Variants in WWTR1 observed in about 807,000 individuals in gnomAD.
The protein encoded by WWTR1 is WW domain containing transcription regulator 1.
A neutral mutation model predicts 40.1 loss-of-function variants in WWTR1; 13 were observed. The observed-to-expected ratio is 0.32, with a 90% CI of 0.21 to 0.52. The LOEUF (loss-of-function observed/expected upper bound fraction) is 0.52. Ranked by LOEUF, WWTR1 falls within the 20% of genes least tolerant of loss-of-function variation. The probability of loss-of-function intolerance (pLI) is 0.97; values close to 1 mark genes in which losing one functional copy is unlikely to be tolerated. For missense variants in WWTR1, 436 were observed against 523.1 expected (o/e 0.83, Z 1.63); for synonymous variants, 230 against 210.1 (o/e 1.09, Z -0.82).
intron 2 of WWTR1, among the ~76,000 whole-genome samples, chr3:149,625,397 C>T (rs1184966448): frequency 6.6e-6 from 1 of 151,426 alleles, no homozygotes; most frequent in Admixed American, 6.6e-5. Flanking sequence ...GGATTACAGG[C>T]TTGAGCCACT....
intron 2 of WWTR1, among the ~76,000 whole-genome samples, chr3:149,585,813 G>A (rs1245403367): frequency 6.6e-6 from 1 of 152,204 alleles, no homozygotes; most frequent in East Asian, 1.9e-4. Flanking sequence ...AAATGCTCAA[G>A]AAGTTTTAAT....
Position 149,664,081 on chromosome 3 carries a change from T to C in WWTR1, c.-4+5707A>G, listed in dbSNP as rs117172182. ...CTACCTCCGGGTTGCTGACTTGGTC[T>C]GAATGACTGATTTCAGCAAAGGTGT... On this transcript the variant is annotated intron_variant, in intron 2 of 7. Coordinates refer to the WWTR1 transcript ENST00000465804. 2.2e-4 allele frequency among the ~76,000 whole-genome samples: 34 copies of C among 152,368 alleles called. No homozygotes were observed. The East Asian group carries it at 6.0e-3, about 27-fold the overall frequency.
rs1202423861 is a variant in WWTR1, at chr3:149,520,668, G to A, written c.*137C>T. On this transcript the variant is annotated 3_prime_UTR_variant, in exon 7 of 7. Coordinates refer to ENST00000360632, the MANE Select transcript of WWTR1 (RefSeq NM_015472.6). ...ATCAAAACCAGGCAATGATTAAACT[G>A]GCAACATAAAAAGGAGGGAGCACGA... is the stretch of plus-strand genomic sequence containing the variant. 8.6e-6 allele frequency: 6 copies of A among 699,846 alleles called. No individual in the cohort carries two copies. Among genetic ancestry groups the A allele is most frequent in the Non-Finnish European group, 1.3e-5 (6 of 458,658 alleles). 43.4% of individuals were successfully genotyped at this position (699,846 alleles called of 1,614,324 possible).
chr3:149,650,090 A>T (rs1344403974), intron 2 of WWTR1: 1 of 151,954 alleles, frequency 6.6e-6, no homozygotes, highest in Non-Finnish European at 1.5e-5. Flanking sequence ...ATAAATAGAC[A>T]ATGGAGGTGT....
intron 2 of WWTR1, among the ~76,000 whole-genome samples, chr3:149,633,225 CA>C (rs1322297658): frequency 6.6e-6 from 1 of 151,976 alleles, no homozygotes; most frequent in East Asian, 1.9e-4. Flanking sequence ...CCCATCGCTA[CA>C]AAAATAAAAT....
At chr3:149,643,144 G>A (rs1031999902) in intron 2 of WWTR1, among the ~76,000 whole-genome samples, 1 of 152,116 alleles carries the variant, frequency 6.6e-6, no homozygotes, top group Non-Finnish European at 1.5e-5. Flanking sequence ...TATTGTGAAA[G>A]GGCAAACTGG....
intron 3 of WWTR1, among the ~76,000 whole-genome samples, chr3:149,572,466 G>C (rs950533965): frequency 6.6e-6 from 1 of 152,154 alleles, no homozygotes; most frequent in Non-Finnish European, 1.5e-5. Context: ...CCATTGGAGG[G>C]AAGGTCAGAA....
At chr3:149,699,763 G>A (rs1290447837) in intron 1 of WWTR1, among the ~76,000 whole-genome samples, 1 of 152,182 alleles carries the variant, frequency 6.6e-6, no homozygotes, top group Admixed American at 6.5e-5. Flanking sequence ...ATCTCTATCA[G>A]CATTTTGGTC....
intron 3 of WWTR1, among the ~76,000 whole-genome samples, chr3:149,569,640 T>C (rs1737526903): frequency 6.6e-6 from 1 of 152,198 alleles, no homozygotes; most frequent in African/African-American, 2.4e-5. Context: ...ATAAAATTAG[T>C]TATAAAAGGT....
intron 4 of WWTR1, among the ~76,000 whole-genome samples, chr3:149,722,428 C>T (rs1353509806): frequency 1.3e-5 from 2 of 151,712 alleles, no homozygotes; most frequent in Admixed American, 1.3e-4. Context: ...GCATTACTTT[C>T]TCTGTGTTCC....
chr3:149,653,363 GAAT>G (rs1459758484), intron 2 of WWTR1, among the ~76,000 whole-genome samples: 36 of 152,296 alleles, frequency 2.4e-4, no homozygotes, highest in African/African-American at 8.4e-4. Context: ...AGGACAGCAG[GAAT>G]AATGAATGAA....
Position 149,537,478 on chromosome 3 carries a change from G to A in WWTR1, c.771+4857C>T, listed in dbSNP as rs542680465. 1.1e-4 allele frequency among the ~76,000 whole-genome samples: 17 copies of A among 152,282 alleles called. No individual in the cohort carries two copies. The South Asian group carries it at 3.3e-3, about 30-fold the overall frequency. On this transcript the variant is annotated intron_variant, in intron 4 of 6. Transcript: ENST00000360632. ...TTACAGCCACTCTTTCTAGGTAAGA[G>A]TATAGGTGATTATAATTTCCTTCTT...
chr3:149,657,235 T>C lies in WWTR1; in HGVS notation c.72A>G (p.Leu24=), dbSNP rs1475787417. 6.2e-7 allele frequency: 1 copy of C among 1,613,318 alleles called. No individual in the cohort carries two copies. The highest frequency in any genetic ancestry group is 8.5e-7 in the Non-Finnish European group (1 of 1,179,760). ...GQQVIHVTQD[L]DTDLEALFNS... Reference sequence around the variant, plus strand: ...TGAAGAGGGCTTCGAGGTCTGTGTCTAGGTCCTGCGTGACGTGGATCACTT... The same window carrying C: ...TGAAGAGGGCTTCGAGGTCTGTGTCCAGGTCCTGCGTGACGTGGATCACTT... Residue 24 remains leucine (L), a synonymous_variant, in exon 2 of 7, where the codon CTA becomes CTG. Coordinates refer to ENST00000360632, the MANE Select transcript of WWTR1 (RefSeq NM_015472.6).
rs537974640 is a variant in WWTR1 at position 149,546,639 on chromosome 3, C to G, written c.569-4102G>C. 2.6e-5 allele frequency among the ~76,000 whole-genome samples: 4 copies of G among 152,170 alleles called. No homozygotes were observed. The South Asian group carries it at 6.2e-4, about 24-fold the overall frequency. On this transcript the variant is annotated intron_variant, in intron 3 of 6. Transcript: ENST00000360632. ...CTTTTCTGTACTATTTTAAGTTTTCCCACATGAATTTATCATTTAATGTAA... is the reference window on the plus strand; with the variant it reads ...CTTTTCTGTACTATTTTAAGTTTTCGCACATGAATTTATCATTTAATGTAA...
chr3:149,525,771 G>T, intron 6 of WWTR1: 1 of 293,130 alleles, frequency 3.4e-6, no homozygotes, highest in Non-Finnish European at 6.2e-6. Context: ...TGGGAGTGGG[G>T]AGGAACAAGG....
intron 1 of WWTR1, among the ~76,000 whole-genome samples, chr3:149,694,265 G>T (rs1714911429): frequency 6.6e-6 from 1 of 152,148 alleles, no homozygotes; most frequent in Non-Finnish European, 1.5e-5. Flanking sequence ...ATGGTGGCAG[G>T]CGCCTGTAAT....
intron 3 of WWTR1, among the ~76,000 whole-genome samples, chr3:149,544,453 G>A (rs930431282): frequency 2.0e-5 from 3 of 152,172 alleles, no homozygotes; most frequent in South Asian, 2.1e-4. Context: ...GAGAACTAAC[G>A]GACTGGTGGA....
At chr3:149,636,459 G>A (rs973281305) in intron 2 of WWTR1, among the ~76,000 whole-genome samples, 1 of 152,146 alleles carries the variant, frequency 6.6e-6, no homozygotes, top group African/African-American at 2.4e-5. Context: ...TGAATATATT[G>A]AATTAATACC....
intron 5 of WWTR1, among the ~76,000 whole-genome samples, chr3:149,708,487 G>T (rs887358584): frequency 1.3e-5 from 2 of 152,076 alleles, no homozygotes; most frequent in African/African-American, 4.8e-5. Flanking sequence ...CCCCACTGCT[G>T]CCCTGCTTCT....
Sources: allele counts gnomAD v4.1 joint callset (sites outside exome capture counted in the v4.1 genomes callset), GRCh38; gene constraint gnomAD v4.1.1; transcripts MANE v1.5; gene names NCBI Gene and HGNC (gene_info 2026-07-23, HGNC 2026-07-21).